The following KCNN2 variants were observed in gnomAD, a reference collection of about 807,000 sequenced individuals.
KCNN2 encodes small conductance calcium-activated potassium channel protein 2.
Under a neutral mutation model 55.5 loss-of-function variants are expected in KCNN2, and 24 were observed. The observed-to-expected ratio is 0.43, with a 90% CI of 0.31 to 0.61. The LOEUF (loss-of-function observed/expected upper bound fraction) is 0.61. Ranked by LOEUF, KCNN2 falls within the 20% of genes least tolerant of loss-of-function variation. The probability of loss-of-function intolerance (pLI) is 0.08; values close to 1 mark genes in which losing one functional copy is unlikely to be tolerated. For synonymous variants in KCNN2, 431 were observed against 336.1 expected, an observed-to-expected ratio of 1.28 and a Z score of -3.09; for missense variants, 754 against 853.6, an observed-to-expected ratio of 0.88 and a Z score of 1.45.
intron 3 of KCNN2, among the ~76,000 whole-genome samples, chr5:114,415,473 G>A (rs922818278): frequency 1.3e-5 from 2 of 152,160 alleles, no homozygotes; most frequent in African/African-American, 4.8e-5. Context: ...TGGGTATATA[G>A]CATTGCCAGT....
chr5:114,293,292 A>G (rs1405848687), intron 2 of KCNN2, among the ~76,000 whole-genome samples: 1 of 152,078 alleles, frequency 6.6e-6, no homozygotes, highest in African/African-American at 2.4e-5. Context: ...GAATGCTTCC[A>G]GTTTTTGCCC....
intron 2 of KCNN2, among the ~76,000 whole-genome samples, chr5:114,351,573 A>C (rs1329205644): frequency 1.3e-5 from 2 of 151,744 alleles, no homozygotes; most frequent in Non-Finnish European, 3.0e-5. Context: ...TGATATTAGT[A>C]GTAGATTTTT....
chr5:114,360,835 A>G (rs775496879), upstream of KCNN2: 1 of 152,350 alleles, frequency 6.6e-6, no homozygotes, highest in Non-Finnish European at 1.5e-5. Context: ...ACCGGGGTGA[A>G]TCAGCCCGCG....
At chr5:114,065,076 C>T (rs558485051) in intron 1 of KCNN2, among the ~76,000 whole-genome samples, 19 of 152,286 alleles carry the variant, frequency 1.2e-4, no homozygotes, top group African/African-American at 4.1e-4. Flanking sequence ...GATGGATACA[C>T]TATGTCACAC....
intron 1 of KCNN2, among the ~76,000 whole-genome samples, chr5:114,091,362 C>T (rs1049674665): frequency 6.6e-6 from 1 of 152,090 alleles, no homozygotes; most frequent in Admixed American, 6.6e-5. Context: ...GGTTCTGTTA[C>T]TAGATATATA....
intron 2 of KCNN2, among the ~76,000 whole-genome samples, chr5:114,253,203 A>G (rs1018200532): frequency 6.8e-6 from 1 of 146,386 alleles, no homozygotes; most frequent in African/African-American, 2.5e-5. Flanking sequence ...TTATGGGGCA[A>G]TGGACCTAGA....
intron 2 of KCNN2, among the ~76,000 whole-genome samples, chr5:114,344,761 A>T (rs1306354786): frequency 1.3e-5 from 2 of 152,220 alleles, no homozygotes; most frequent in Non-Finnish European, 2.9e-5. Flanking sequence ...CAAAGGCCAG[A>T]CCTTTCTTGG....
chr5:114,339,684 T>G (rs771866316), intron 2 of KCNN2, among the ~76,000 whole-genome samples: 5 of 152,016 alleles, frequency 3.3e-5, no homozygotes, highest in Admixed American at 6.6e-5. Context: ...ATGCCTATAG[T>G]CCCAGCTACT....
intron 2 of KCNN2, among the ~76,000 whole-genome samples, chr5:114,384,895 A>C (rs986057471): frequency 6.6e-6 from 1 of 152,220 alleles, no homozygotes; most frequent in Non-Finnish European, 1.5e-5. Flanking sequence ...TTCTCTATGC[A>C]AATAAATTAT....
At chr5:114,075,849 T>C (rs1163825931) in intron 1 of KCNN2, among the ~76,000 whole-genome samples, 6 of 152,162 alleles carry the variant, frequency 3.9e-5, no homozygotes, top group Admixed American at 1.3e-4. Context: ...GACCAGCCTA[T>C]TGGATGATGA....
intron 7 of KCNN2, 88 bp downstream of exon 7, chr5:114,493,560 C>G: frequency 1.1e-6 from 1 of 889,914 alleles, no homozygotes; most frequent in Non-Finnish European, 1.9e-6. Context: ...CAAGAGGATC[C>G]CAACCCAAAT....
At chr5:114,113,947 A>T (rs1318655600) in intron 1 of KCNN2, among the ~76,000 whole-genome samples, 1 of 151,970 alleles carries the variant, frequency 6.6e-6, no homozygotes, top group African/African-American at 2.4e-5. Flanking sequence ...TGTCAAAATG[A>T]CCTATTTTGG....
chr5:114,064,392 G>A (rs993493757), intron 1 of KCNN2, among the ~76,000 whole-genome samples: 11 of 152,152 alleles, frequency 7.2e-5, no homozygotes, highest in African/African-American at 2.7e-4. Context: ...TGTCCTCCTG[G>A]GAAGCCAGTC....
chr5:114,478,789 G>C (rs1762091776), intron 5 of KCNN2, among the ~76,000 whole-genome samples: 1 of 152,076 alleles, frequency 6.6e-6, no homozygotes, highest in Admixed American at 6.6e-5. Flanking sequence ...TCGTTATCTG[G>C]CCAAACTAAG....
At chr5:114,351,792 CT>C (rs1260097500) in intron 2 of KCNN2, among the ~76,000 whole-genome samples, 1 of 151,672 alleles carries the variant, frequency 6.6e-6, no homozygotes, top group African/African-American at 2.4e-5. Context: ...ACTATGTATT[CT>C]TATGATAATT....
rs1159635076 is a variant in KCNN2 at position 114,297,869 on chromosome 5, G to A, written c.-184-63076G>A. Among the ~76,000 whole-genome samples the A allele has an allele frequency of 2.6e-5, 4 of 152,220 alleles. No homozygotes were observed. The East Asian group carries it at 5.8e-4, about 22-fold the overall frequency. ...AGGCTTGTAACACAGTGGTAAAAGC[G>A]TAAGTTTCTTAGCTGTGTCCTTGGT... is the stretch of plus-strand genomic sequence containing the variant. On this transcript the variant is annotated intron_variant, in intron 2 of 10. Transcript: ENST00000512097.
chr5:114,315,708 T>A (rs1580716417), intron 2 of KCNN2, among the ~76,000 whole-genome samples: 1 of 152,174 alleles, frequency 6.6e-6, no homozygotes. Flanking sequence ...TCAAATATTT[T>A]GCTTATTGAA....
chr5:114,111,511 CA>C (rs754694198), intron 1 of KCNN2, among the ~76,000 whole-genome samples: 1 of 152,144 alleles, frequency 6.6e-6, no homozygotes, highest in Non-Finnish European at 1.5e-5. Context: ...AGCTTCTGCA[CA>C]GCAAAATAAA....
chr5:114,306,604 A>G (rs2150024395), intron 2 of KCNN2, among the ~76,000 whole-genome samples: 1 of 152,292 alleles, frequency 6.6e-6, no homozygotes, highest in Non-Finnish European at 1.5e-5. Flanking sequence ...GAAAATAACC[A>G]CAGGATGGGT....
Sources: allele counts gnomAD v4.1 joint callset (sites outside exome capture counted in the v4.1 genomes callset), GRCh38; gene constraint gnomAD v4.1.1; transcripts MANE v1.5; gene names NCBI Gene and HGNC (gene_info 2026-07-23, HGNC 2026-07-21).